DOCK9: variants seen among roughly 807,000 people sequenced by gnomAD.
DOCK9 encodes dedicator of cytokinesis protein 9.
In DOCK9, 89 loss-of-function variants were observed where a neutral mutation model predicts 263.3. The observed-to-expected ratio is 0.34, with a 90% CI of 0.28 to 0.40. DOCK9 has a LOEUF of 0.40. Among genes scored for constraint, DOCK9 ranks in the 10% least tolerant of loss-of-function variants. The pLI is 1.00. For missense variants in DOCK9, 2,140 were observed against 2,603.4 expected (o/e 0.82, Z 3.87); for synonymous variants, 976 against 973.1 (o/e 1.00, Z -0.06).
intron 1 of DOCK9, among the ~76,000 whole-genome samples, chr13:99,042,658 T>C (rs1381114173): frequency 6.6e-6 from 1 of 152,236 alleles, no homozygotes; most frequent in Admixed American, 6.5e-5. Context: ...TTGAAATATG[T>C]TAACACCAAT....
chr13:98,915,275 A>G (rs2050704548), intron 8 of DOCK9, 54 bp downstream of exon 8: 1 of 1,557,702 alleles, frequency 6.4e-7, no homozygotes, highest in Non-Finnish European at 8.6e-7. Flanking sequence ...ACCTGGCAAA[A>G]ATAAAGACAC....
At position 98,902,471 on chromosome 13, in the gene DOCK9, A is replaced by G; in HGVS notation, c.1197T>C (p.Thr399=). 6.2e-7 allele frequency: 1 copy of G among 1,613,950 alleles called. No individual in the cohort carries two copies. Among genetic ancestry groups the G allele is most frequent in the Non-Finnish European group, 8.5e-7 (1 of 1,179,864 alleles). ...TGTATTTTATGTCAAACAGGGATAG[A>G]GTAACAAAGAAAGGTTCAACCTGAA... is the stretch of plus-strand genomic sequence containing the variant. ...PTTNVEPFFV[T]LSLFDIKYNR... The change falls in exon 12 of 53, where the codon ACT becomes ACC. Residue 399 remains threonine, a synonymous_variant. Transcript: ENST00000682017.
intron 47 of DOCK9, among the ~76,000 whole-genome samples, chr13:98,808,477 T>A (rs1408083366): frequency 5.3e-5 from 8 of 151,986 alleles, no homozygotes; most frequent in East Asian, 3.9e-4. Context: ...TAAAAGAAAA[T>A]TTTTTAAAGT....
At chr13:99,063,585 A>C (rs2041289480) in intron 1 of DOCK9, among the ~76,000 whole-genome samples, 1 of 152,086 alleles carries the variant, frequency 6.6e-6, no homozygotes, top group African/African-American at 2.4e-5. Flanking sequence ...TCCTCCAACT[A>C]CCATCTTCAC....
intron 1 of DOCK9, among the ~76,000 whole-genome samples, chr13:99,013,678 C>CA (rs1555292395): frequency 6.6e-6 from 1 of 152,076 alleles, no homozygotes; most frequent in Non-Finnish European, 1.5e-5. Context: ...GTAGAAACAG[C>CA]AAGGCAGCCT....
intron 3 of DOCK9, among the ~76,000 whole-genome samples, chr13:98,929,472 G>A (rs2053575996): frequency 6.6e-6 from 1 of 152,136 alleles, no homozygotes; most frequent in Admixed American, 6.5e-5. Flanking sequence ...GAACCCAGGA[G>A]AGGCAGAGGT....
intron 45 of DOCK9, among the ~76,000 whole-genome samples, chr13:98,812,930 T>C (rs914294559): frequency 1.3e-5 from 2 of 152,240 alleles, no homozygotes; most frequent in African/African-American, 4.8e-5. Flanking sequence ...CTATTGTAAA[T>C]AGCACTGTTT....
At chr13:98,975,152 G>A (rs1363728895) in intron 1 of DOCK9, among the ~76,000 whole-genome samples, 7 of 152,150 alleles carry the variant, frequency 4.6e-5, no homozygotes, top group Non-Finnish European at 1.0e-4. Context: ...GCCGAGGCGG[G>A]CGGATCTCCT....
At chr13:99,087,041 A>G (rs2142536320), upstream of DOCK9, among the ~76,000 whole-genome samples, 1 of 151,974 alleles carries the variant, frequency 6.6e-6, no homozygotes, top group East Asian at 2.0e-4. Flanking sequence ...AGCTCGGTGC[A>G]CCACGCCCCC....
chr13:98,801,676 T>A (rs892350102), intron 49 of DOCK9, among the ~76,000 whole-genome samples: 1 of 152,234 alleles, frequency 6.6e-6, no homozygotes, highest in African/African-American at 2.4e-5. Context: ...GGCAGGTAGA[T>A]ATGTACTTAA....
Position 98,860,392 on chromosome 13 carries a change from C to T in DOCK9, c.3697+13G>A. 1 of 1,569,356 alleles carries T rather than the reference C, an allele frequency of 6.4e-7. No individual in the cohort carries two copies. Among genetic ancestry groups the T allele is most frequent in the Non-Finnish European group, 8.7e-7 (1 of 1,155,908 alleles). On this transcript the variant is annotated intron_variant, in intron 33 of 52. Coordinates refer to ENST00000682017, the MANE Select transcript of DOCK9 (RefSeq NM_001366683.2). Reference sequence around the variant, plus strand: ...GATGGTGGAGAGAAGCCCACAAGAGCATGGAGCGTTACCAATGCCGGAGAT... The same window carrying T: ...GATGGTGGAGAGAAGCCCACAAGAGTATGGAGCGTTACCAATGCCGGAGAT...
intron 1 of DOCK9, among the ~76,000 whole-genome samples, chr13:99,022,753 A>G (rs1241406912): frequency 6.6e-6 from 1 of 152,190 alleles, no homozygotes; most frequent in African/African-American, 2.4e-5. Context: ...GACCAGCCTG[A>G]GCAACATAGC....
chr13:98,915,487 C>T lies in DOCK9; in HGVS notation c.734G>A (p.Arg245His), dbSNP rs754057637. 6 of 1,612,326 alleles carry T rather than the reference C, an allele frequency of 3.7e-6. No homozygotes were observed. The highest frequency in any genetic ancestry group is 2.2e-5 in the South Asian group (2 of 90,682). The change falls in exon 8 of 53, where the codon CGT becomes CAT. Residue 245 changes from arginine (R) to histidine (H), a missense_variant. By Grantham distance (29) the Arg-to-His change is conservative. Coordinates refer to ENST00000682017, the MANE Select transcript of DOCK9 (RefSeq NM_001366683.2). ...CTGCATCTTGAGCTCAAAAGCAAAA[C>T]GCCTGACTTTGTTGTTCTGAAATGA... The part of the protein sequence containing the change: ...MGVVQNNKVR[R>H]FAFELKMQDK...
chr13:99,086,474 G>T, exon 1 of DOCK9: 1 of 562,788 alleles, frequency 1.8e-6, no homozygotes, highest in Non-Finnish European at 2.2e-6. Flanking sequence ...GCCGCCGCCT[G>T]CTCCCCCCGC....
At chr13:98,938,795 G>A (rs1407788933) in intron 2 of DOCK9, among the ~76,000 whole-genome samples, 6 of 152,146 alleles carry the variant, frequency 3.9e-5, no homozygotes, top group African/African-American at 1.2e-4. Flanking sequence ...GCAAATCCTT[G>A]GGATATTTAA....
chr13:98,809,424 G>C lies in DOCK9; in HGVS notation c.5295C>G (p.Ser1765Arg). 1 of 1,613,238 alleles carries C rather than the reference G, an allele frequency of 6.2e-7. No individual in the cohort carries two copies. The highest frequency in any genetic ancestry group is 8.5e-7 in the Non-Finnish European group (1 of 1,179,644). The change falls in exon 47 of 53, where the codon AGC becomes AGG. Residue 1765 changes from serine to arginine, a missense_variant. By Grantham distance (110) the Ser-to-Arg change is moderately radical (BLOSUM62 -1). Coordinates refer to ENST00000682017, the MANE Select transcript of DOCK9 (RefSeq NM_001366683.2). ...CCGAGTGCATGACCTCGGTCACTTT[G>C]CTGTAGGCCCGGTGCAGCGTGTCAT... is the stretch of plus-strand genomic sequence containing the variant. ...HLYDTLHRAY[S>R]KVTEVMHSGR...
chr13:98,856,891 C>A (rs61968717), intron 33 of DOCK9: 2 of 151,712 alleles, frequency 1.3e-5, no homozygotes, highest in Non-Finnish European at 2.9e-5. Context: ...GTGCTGTGAA[C>A]GGGGAATATC....
chr13:98,879,940 G>T lies in DOCK9; in HGVS notation c.2901C>A (p.Ile967=). ...CTATCAAATGCTGAGCCATAGATTT[G>T]ATCAGTACATCAAAGAAAAACCATG... ...KYSWFFFDVL[I]KSMAQHLIEN... is the part of the protein sequence containing the mutation. Residue 967 remains isoleucine, a synonymous_variant, in exon 27 of 53, where the codon ATC becomes ATA. Coordinates refer to ENST00000682017, the MANE Select transcript of DOCK9 (RefSeq NM_001366683.2). 2 of 1,609,212 alleles carry T rather than the reference G, an allele frequency of 1.2e-6. No homozygotes were observed. The highest frequency in any genetic ancestry group is 2.2e-5 in the South Asian group (2 of 89,806).
rs566689864 is a variant in DOCK9, at chr13:98,969,981, C to A, written c.126+7803G>T. The stretch of plus-strand genomic sequence containing the variant: ...TTAAGCAGATAATTAACAACTATAT[C>A]TGTTGGCTGTGTTGTTTTGTGTTTT... On this transcript the variant is annotated intron_variant, in intron 1 of 52. Transcript: ENST00000682017. Among the ~76,000 whole-genome samples, 4 of 152,300 alleles carry A rather than the reference C, an allele frequency of 2.6e-5. No individual in the cohort carries two copies. The South Asian group carries it at 6.2e-4, about 24-fold the overall frequency.
Sources: gnomAD v4.1 joint callset for allele counts (sites outside exome capture counted in the v4.1 genomes callset) on GRCh38, gnomAD v4.1.1 for gene constraint, MANE v1.5 for transcripts, NCBI Gene and HGNC (gene_info 2026-07-23, HGNC 2026-07-21) for gene names.